Variants in ELAVL4 observed in about 807,000 individuals in gnomAD.
ELAVL4 encodes ELAV like RNA binding protein 4.
ELAVL4 carries 1 observed loss-of-function variant against 35.6 expected under a neutral mutation model. The observed-to-expected ratio is 0.03, with a 90% CI of 0.01 to 0.13. The LOEUF is 0.13. ELAVL4 is among the 10% of genes least tolerant of loss of function. The pLI is 1.00. For synonymous variants in ELAVL4, 156 were observed against 171.0 expected (o/e 0.91, Z 0.69); for missense variants, 267 against 464.9 (o/e 0.57, Z 3.91).
In ELAVL4 at chr1:50,145,304, G is replaced by A. The variant is rs1673503529; in HGVS notation, c.250+107G>A. On this transcript the variant is annotated intron_variant, in intron 2 of 6. Coordinates refer to ENST00000371824, the MANE Select transcript of ELAVL4 (RefSeq NM_001144774.3). The stretch of plus-strand genomic sequence containing the variant: ...AATGTCTATATCATGTACCCTGCAT[G>A]CAAGATGGCATGGATACACAGTCAT... 2.0e-6 allele frequency: 3 copies of A among 1,510,730 alleles called. No individual in the cohort carries two copies. The East Asian group carries it at 6.8e-5, about 34-fold the overall frequency. The allele number at this position is 1,510,730 out of a possible 1,614,324, so 93.6% of individuals were successfully genotyped here.
chr1:50,113,589 G>A (rs575099104), intron 1 of ELAVL4, among the ~76,000 whole-genome samples: 5 of 151,976 alleles, frequency 3.3e-5, no homozygotes, highest in Admixed American at 6.6e-5. Flanking sequence ...ACGAGTATGC[G>A]CTGGCAAATG....
intron 3 of ELAVL4, among the ~76,000 whole-genome samples, chr1:50,184,760 C>T (rs1379844022): frequency 3.3e-5 from 5 of 152,102 alleles, no homozygotes; most frequent in East Asian, 3.9e-4. Flanking sequence ...CTCCGATCAT[C>T]GGAAGCATTC....
intron 1 of ELAVL4, among the ~76,000 whole-genome samples, chr1:50,082,068 C>G (rs961581519): frequency 6.6e-6 from 1 of 152,126 alleles, no homozygotes; most frequent in African/African-American, 2.4e-5. Flanking sequence ...TTTTCTTTAT[C>G]CAGTCTATCA....
chr1:50,144,737 T>A (rs191439370), intron 1 of ELAVL4: 1 of 745,044 alleles, frequency 1.3e-6, no homozygotes, highest in African/African-American at 1.7e-5. Flanking sequence ...TGCATTCTAG[T>A]CTGTGTTCAA....
At chr1:50,065,172 G>A (rs1012709396) in intron 1 of ELAVL4, among the ~76,000 whole-genome samples, 1 of 152,090 alleles carries the variant, frequency 6.6e-6, no homozygotes, top group Admixed American at 6.6e-5. Flanking sequence ...CAAAGGTGAT[G>A]GTGGAAACTT....
At chr1:50,177,057 C>T (rs1160487836) in intron 2 of ELAVL4, 32 bp from the exon 3 acceptor site, 2 of 1,557,854 alleles carry the variant, frequency 1.3e-6, no homozygotes, top group Non-Finnish European at 8.8e-7. Flanking sequence ...TCTCTCTCTC[C>T]CTTTCTCTCT....
chr1:50,186,645 C>T (rs1416322452), intron 3 of ELAVL4, among the ~76,000 whole-genome samples: 6 of 152,030 alleles, frequency 3.9e-5, no homozygotes, highest in South Asian at 4.1e-4. Flanking sequence ...TAGAAATTTT[C>T]TGGACATATT....
intron 6 of ELAVL4, among the ~76,000 whole-genome samples, chr1:50,198,433 A>C (rs1044989918): frequency 4.6e-5 from 7 of 151,950 alleles, no homozygotes; most frequent in Non-Finnish European, 8.8e-5. Context: ...TCCACATCAC[A>C]CCCCCAGTTC....
chr1:50,066,870 G>A (rs1664288596), intron 1 of ELAVL4, among the ~76,000 whole-genome samples: 1 of 152,038 alleles, frequency 6.6e-6, no homozygotes. Flanking sequence ...TTTTATTTAG[G>A]GTTTCAGTGG....
intron 2 of ELAVL4, among the ~76,000 whole-genome samples, chr1:50,153,824 G>A (rs1675234376): frequency 6.6e-6 from 1 of 152,190 alleles, no homozygotes; most frequent in Non-Finnish European, 1.5e-5. Flanking sequence ...TCCCTGATCT[G>A]ATAAGATTAG....
At chr1:50,050,169 C>G (rs952119176) in intron 1 of ELAVL4, among the ~76,000 whole-genome samples, 4 of 152,328 alleles carry the variant, frequency 2.6e-5, no homozygotes, top group Middle Eastern at 3.4e-3. Context: ...ATACCAACCT[C>G]GTAAAGTTGA....
rs768032305 is a variant in ELAVL4, at chr1:50,193,754, C to T, written c.355-11C>T. ...CCTATAATGGAATTAGCTCCTCTTGCCTTTTCCTAGGTCTCATATGCCCGT... is the reference window on the plus strand; with the variant it reads ...CCTATAATGGAATTAGCTCCTCTTGTCTTTTCCTAGGTCTCATATGCCCGT... On this transcript the variant is annotated splice_polypyrimidine_tract_variant and intron_variant, in intron 3 of 6. Coordinates refer to ENST00000371824, the MANE Select transcript of ELAVL4 (RefSeq NM_001144774.3). 2.5e-6 allele frequency: 4 copies of T among 1,610,914 alleles called. No individual in the cohort carries two copies. The highest frequency in any genetic ancestry group is 3.4e-6 in the Non-Finnish European group (4 of 1,178,816).
At chr1:50,142,037 C>CAT (rs1672906391) in intron 1 of ELAVL4, among the ~76,000 whole-genome samples, 1 of 152,150 alleles carries the variant, frequency 6.6e-6, no homozygotes, top group East Asian at 1.9e-4. Context: ...TGCCTCTGGG[C>CAT]CCTTTGTATT....
chr1:50,141,836 C>A (rs1672872341), intron 1 of ELAVL4: 1 of 152,210 alleles, frequency 6.6e-6, no homozygotes, highest in African/African-American at 2.4e-5. Flanking sequence ...AGAAGTGGAG[C>A]CACTTAAATT....
At chr1:50,085,996 C>T (rs1482691988) in intron 1 of ELAVL4, among the ~76,000 whole-genome samples, 1 of 152,084 alleles carries the variant, frequency 6.6e-6, no homozygotes, top group Non-Finnish European at 1.5e-5. Context: ...GGTAACTGTT[C>T]ATGTGTTTTG....
At chr1:50,142,675 T>C (rs1281674088) in intron 1 of ELAVL4, among the ~76,000 whole-genome samples, 1 of 152,204 alleles carries the variant, frequency 6.6e-6, no homozygotes, top group Non-Finnish European at 1.5e-5. Context: ...GGTGGGAATA[T>C]AAATGGATAC....
chr1:50,154,734 T>A (rs879508130), intron 2 of ELAVL4, among the ~76,000 whole-genome samples: 25 of 146,302 alleles, frequency 1.7e-4, no homozygotes, highest in African/African-American at 4.9e-4. Context: ...TTGCCTGGTT[T>A]GTTGTTGTTG....
In ELAVL4 at chr1:50,172,482, G is replaced by A. The variant is rs1004763579; in HGVS notation, c.251-4607G>A. Reference sequence around the variant, plus strand: ...GATTTGAAGTCAAATGATCTAGATCGGAAGATAACAATCTACAGCTCATGG... The same window carrying A: ...GATTTGAAGTCAAATGATCTAGATCAGAAGATAACAATCTACAGCTCATGG... On this transcript the variant is annotated intron_variant, in intron 2 of 6. Transcript: ENST00000371824. 8.5e-5 allele frequency among the ~76,000 whole-genome samples: 13 copies of A among 152,154 alleles called. No homozygotes were observed. In the Middle Eastern group the frequency reaches 0.01, roughly 120 times the overall value.
Position 50,073,968 on chromosome 1 carries a change from A to T in ELAVL4, c.18+25786A>T, listed in dbSNP as rs548018947. ...TGAATGAGACTGTGAACTGGTATTT[A>T]GCTAAGCATGGCTGCAAAGCATGCT... is the stretch of plus-strand genomic sequence containing the variant. On this transcript the variant is annotated intron_variant, in intron 1 of 6. Coordinates refer to the ELAVL4 transcript ENST00000448907. Among the ~76,000 whole-genome samples, 4 of 152,338 alleles carry T rather than the reference A, an allele frequency of 2.6e-5. No individual in the cohort carries two copies. The East Asian group carries it at 7.7e-4, about 29-fold the overall frequency.
Sources: gnomAD v4.1 joint callset for allele counts (sites outside exome capture counted in the v4.1 genomes callset) on GRCh38, gnomAD v4.1.1 for gene constraint, MANE v1.5 for transcripts, NCBI Gene and HGNC (gene_info 2026-07-23, HGNC 2026-07-21) for gene names.